SLC9A5: variants seen among roughly 807,000 people sequenced by gnomAD.
The protein encoded by SLC9A5 is sodium/hydrogen exchanger 5.
In SLC9A5, 52 loss-of-function variants were observed where a neutral mutation model predicts 91.7. The observed-to-expected ratio is 0.57, with a 90% CI of 0.45 to 0.71. The LOEUF (loss-of-function observed/expected upper bound fraction) is 0.71, where lower values mean the gene tolerates loss of function less well. Ranked by LOEUF, SLC9A5 falls within the 30% of genes least tolerant of loss-of-function variation. The pLI is 0.00. For synonymous variants in SLC9A5, 419 were observed against 474.5 expected, an observed-to-expected ratio of 0.88 and a Z score of 1.52; for missense variants, 871 against 1,158.9, an observed-to-expected ratio of 0.75 and a Z score of 3.61.
rs2035274881 is a variant in SLC9A5 at position 67,255,404 on chromosome 16, G to A, written c.666G>A (p.Lys222=). The change falls in exon 4 of 16, where the codon AAG becomes AAA. Residue 222 remains lysine, a synonymous_variant. Coordinates refer to ENST00000299798, the MANE Select transcript of SLC9A5 (RefSeq NM_004594.3). This position sits in a 1 kb window ranked among gnomAD's most constrained non-coding sequence, Gnocchi z 4.9. ...LNDAVTVVLY[K]VCNSFVEMGS... is the part of the protein sequence containing the mutation. ...CTCTTCTCGCTCAGGTGCTGTACAA[G>A]GTCTGCAACTCCTTTGTGGAGATGG... 1 of 1,613,534 alleles carries A rather than the reference G, an allele frequency of 6.2e-7. No individual in the cohort carries two copies. Among genetic ancestry groups the A allele is most frequent in the African/African-American group, 1.3e-5 (1 of 75,044 alleles).
chr16:67,265,720 G>A (rs181373698), intron 14 of SLC9A5, among the ~76,000 whole-genome samples: 1 of 152,330 alleles, frequency 6.6e-6, no homozygotes, highest in African/African-American at 2.4e-5. Flanking sequence ...ACCGCACCTG[G>A]CTGCAAAGCC....
intron 12 of SLC9A5, among the ~76,000 whole-genome samples, 194 bp downstream of exon 12, chr16:67,260,140 G>A (rs2035477588): frequency 6.6e-6 from 1 of 151,974 alleles, no homozygotes; most frequent in African/African-American, 2.4e-5. Flanking sequence ...CTTGAGGTCA[G>A]GAGTTTGAGA....
rs1481832523 is a variant in SLC9A5 at position 67,270,713 on chromosome 16, G to A, written c.2219-25G>A. The stretch of plus-strand genomic sequence containing the variant: ...GAGATTTCCACTGTATTGGTAATGA[G>A]TTCATGTGTACTCTCTGTCCCCAGG... On this transcript the variant is annotated intron_variant, in intron 15 of 15. Transcript: ENST00000299798. The surrounding 1 kb of genome is among the most constrained non-coding windows in gnomAD (Gnocchi z 4.3). The A allele has an allele frequency of 5.4e-6, 8 of 1,479,474 alleles. No individual in the cohort carries two copies. Among genetic ancestry groups the A allele is most frequent in the Non-Finnish European group, 7.4e-6 (8 of 1,081,678 alleles). The allele number at this position is 1,479,474 out of a possible 1,614,324, so 91.6% of individuals were successfully genotyped here. A position where few individuals can be genotyped will look rare whatever the true frequency, so the allele number is the denominator to read the frequency against.
intron 12 of SLC9A5, among the ~76,000 whole-genome samples, chr16:67,260,845 CA>C (rs1481469468): frequency 6.6e-6 from 1 of 152,224 alleles, no homozygotes; most frequent in African/African-American, 2.4e-5. Context: ...TGCAACCCCA[CA>C]AGAGGGCAGC....
intron 1 of SLC9A5, among the ~76,000 whole-genome samples, chr16:67,251,645 C>T (rs1480869606): frequency 2.6e-5 from 4 of 151,982 alleles, no homozygotes; most frequent in Non-Finnish European, 2.9e-5. Flanking sequence ...AACTCCTGAC[C>T]TCAGGTGATC....
chr16:67,255,919 C>G lies in SLC9A5; in HGVS notation c.900C>G (p.Ser300=), dbSNP rs1046343476. ...AYLTAEMASL[S]AILAVTMCGL... ...TCACTGCTGAAATGGCCTCGCTCTC[C>G]GCCATTCTTGCGTGAGTTCTGGGGG... The change falls in exon 5 of 16, where the codon TCC becomes TCG. Residue 300 remains serine, a synonymous_variant. Transcript: ENST00000299798. The surrounding 1 kb of genome is among the most constrained non-coding windows in gnomAD (Gnocchi z 4.9). The G allele has an allele frequency of 3.1e-6, 5 of 1,613,358 alleles. No individual in the cohort carries two copies. In the Admixed American group the frequency reaches 8.3e-5, roughly 27 times the overall value.
chr16:67,270,001 A>G lies in SLC9A5; in HGVS notation c.2219-737A>G, dbSNP rs2035865007. ...GGTACTCAGGCAGGATGCTCAGCAGAAAAACCTTTGGCCTGTAGCCTCCAG... is the reference window on the plus strand; with the variant it reads ...GGTACTCAGGCAGGATGCTCAGCAGGAAAACCTTTGGCCTGTAGCCTCCAG... On this transcript the variant is annotated intron_variant, in intron 15 of 15. Transcript: ENST00000299798. The surrounding 1 kb of genome is among the most constrained non-coding windows in gnomAD (Gnocchi z 4.3). Among the ~76,000 whole-genome samples the G allele has an allele frequency of 6.6e-6, 1 of 152,050 alleles. No individual in the cohort carries two copies. The highest frequency in any genetic ancestry group is 1.5e-5 in the Non-Finnish European group (1 of 68,016).
At position 67,265,146 on chromosome 16, in the gene SLC9A5, G is replaced by A. The variant is rs747696305; in HGVS notation, c.2080+40G>A. ...GTGTGGGATTGAGGATGGGAGGGAG[G>A]AGGGAAAGGGCTGGGGCTTGCCAGC... On this transcript the variant is annotated intron_variant, in intron 14 of 15. Transcript: ENST00000299798. 1.1e-5 allele frequency: 18 copies of A among 1,595,426 alleles called. No homozygotes were observed. The African/African-American group carries it at 1.5e-4, about 13-fold the overall frequency.
At chr16:67,259,159 T>G (rs929728608) in intron 10 of SLC9A5, among the ~76,000 whole-genome samples, 12 of 151,576 alleles carry the variant, frequency 7.9e-5, no homozygotes, top group Admixed American at 2.0e-4. Context: ...CTTGGGAGGC[T>G]GCGGCAGGAG....
chr16:67,252,456 A>C lies in SLC9A5; in HGVS notation c.188-86A>C, dbSNP rs1426717973. On this transcript the variant is annotated intron_variant, in intron 1 of 15. Coordinates refer to ENST00000299798, the MANE Select transcript of SLC9A5 (RefSeq NM_004594.3). The surrounding 1 kb of genome is among the most constrained non-coding windows in gnomAD (Gnocchi z 4.0). ...CAGAGTGAGACTTCATCTCAAAAAA[A>C]AAAAAACAAAACTGGGAGTTCATAG... 2 of 1,297,716 alleles carry C rather than the reference A, an allele frequency of 1.5e-6. No homozygotes were observed. Among genetic ancestry groups the C allele is most frequent in the African/African-American group, 3.0e-5 (2 of 67,314 alleles). The allele number at this position is 1,297,716 out of a possible 1,614,324, so 80.4% of individuals were successfully genotyped here. A position where few individuals can be genotyped will look rare whatever the true frequency, so the allele number is the denominator to read the frequency against.
intron 15 of SLC9A5, among the ~76,000 whole-genome samples, chr16:67,268,324 G>A (rs963860497): frequency 6.8e-6 from 1 of 147,818 alleles, no homozygotes; most frequent in Non-Finnish European, 1.5e-5. Context: ...GCCAGATAAG[G>A]ATTTTTTTTT....
At chr16:67,261,927 G>GGTGT (rs56311190) in intron 12 of SLC9A5, 11,226 of 151,618 alleles carry the variant, frequency 0.074, 498 homozygotes, top group African/African-American at 0.11. Context: ...GATTTGGTGA[G>GGTGT]GTGTGTGTGT....
At chr16:67,254,256 C>A (rs946737724) in intron 2 of SLC9A5, among the ~76,000 whole-genome samples, 1 of 152,228 alleles carries the variant, frequency 6.6e-6, no homozygotes, top group Admixed American at 6.5e-5. Context: ...AATTGTGTCA[C>A]ATCCCTTTGG....
Position 67,271,711 on chromosome 16 carries a change from C to T in SLC9A5, c.*501C>T, listed in dbSNP as rs2142401428. On this transcript the variant is annotated 3_prime_UTR_variant, in exon 16 of 16. Coordinates refer to ENST00000299798, the MANE Select transcript of SLC9A5 (RefSeq NM_004594.3). ...GGTGGGAGGTGGGGCAGGCCTCACC[C>T]TTGGGCTTTGCTGCCCTGTTGGGTC... 6.3e-6 allele frequency: 1 copy of T among 158,208 alleles called. No individual in the cohort carries two copies. Among genetic ancestry groups the T allele is most frequent in the South Asian group, 1.9e-4 (1 of 5,316 alleles). 9.8% of individuals were successfully genotyped at this position (158,208 alleles called of 1,614,324 possible).
rs137974865 is a variant in SLC9A5 at position 67,256,354 on chromosome 16, T to C, written c.912-115T>C. 2.0e-3 allele frequency: 1,431 copies of C among 733,726 alleles called. 5 individuals carry two copies. Among genetic ancestry groups the C allele is most frequent in the Middle Eastern group, 6.3e-3 (17 of 2,706 alleles). 45.5% of individuals were successfully genotyped at this position (733,726 alleles called of 1,614,324 possible). On this transcript the variant is annotated intron_variant, in intron 5 of 15. Coordinates refer to ENST00000299798, the MANE Select transcript of SLC9A5 (RefSeq NM_004594.3). The surrounding 1 kb of genome is among the most constrained non-coding windows in gnomAD (Gnocchi z 4.1). ...TTCAGGCCTCCCTGGGCTTCAGCTCTGAGAGTCTGACATCCTGTAATGGGC... is the reference window on the plus strand; with the variant it reads ...TTCAGGCCTCCCTGGGCTTCAGCTCCGAGAGTCTGACATCCTGTAATGGGC...
At position 67,257,603 on chromosome 16, in the gene SLC9A5, T is replaced by G. The variant is rs1052950500; in HGVS notation, c.1496+2T>G. The G allele has an allele frequency of 6.2e-7, 1 of 1,613,394 alleles. No individual in the cohort carries two copies. Among genetic ancestry groups the G allele is most frequent in the Non-Finnish European group, 8.5e-7 (1 of 1,179,784 alleles). ...TGGCTACCACTACTGGAGGGACAGG[T>G]GAGGGAGCTGCCCCGAGGCTCCTTC... On this transcript the variant is annotated splice_donor_variant, in intron 9 of 15. Coordinates refer to ENST00000299798, the MANE Select transcript of SLC9A5 (RefSeq NM_004594.3). LOFTEE classifies it high-confidence loss of function. The surrounding 1 kb of genome is among the most constrained non-coding windows in gnomAD (Gnocchi z 5.1).
chr16:67,268,607 C>T (rs181020365), intron 15 of SLC9A5, among the ~76,000 whole-genome samples: 6 of 130,880 alleles, frequency 4.6e-5, no homozygotes, highest in Non-Finnish European at 4.8e-5. Flanking sequence ...AACCACAATG[C>T]CTTTCCCATA....
intron 12 of SLC9A5, 67 bp downstream of exon 12, chr16:67,260,013 T>C (rs2035473360): frequency 5.1e-6 from 8 of 1,560,386 alleles, no homozygotes; most frequent in Admixed American, 3.8e-5. Context: ...TAAGAGGCAG[T>C]TGGCGCCAGC....
chr16:67,270,986 G>GCT lies in SLC9A5; in HGVS notation c.2467_2468insCT (p.Glu823AlafsTer103). 6.2e-7 allele frequency: 1 copy of GCT among 1,613,950 alleles called. No homozygotes were observed. Among genetic ancestry groups the GCT allele is most frequent in the Non-Finnish European group, 8.5e-7 (1 of 1,179,864 alleles). ...CCTGCCTCCCCATCCACGGGGCACT[G>GCT]AAGAGCCCCAGGTCCCTCTCCACCT... On this transcript the variant is annotated frameshift_variant, in exon 16 of 16. Transcript: ENST00000299798. LOFTEE classifies it high-confidence loss of function. This position sits in a 1 kb window ranked among gnomAD's most constrained non-coding sequence, Gnocchi z 4.3.
Sources: gnomAD v4.1 joint callset for allele counts (sites outside exome capture counted in the v4.1 genomes callset) on GRCh38, gnomAD v4.1.1 for gene constraint, Gnocchi (gnomAD v3.1) non-coding constraint, MANE v1.5 for transcripts, NCBI Gene and HGNC (gene_info 2026-07-23, HGNC 2026-07-21) for gene names.